LRRIQ3: variants seen among roughly 807,000 people sequenced by gnomAD.
The protein encoded by LRRIQ3 is leucine rich repeats and IQ motif containing 3.
Under a neutral mutation model 59.3 loss-of-function variants are expected in LRRIQ3, and 75 were observed. The ratio of observed to expected loss-of-function variants is 1.26; its 90% CI spans 1.05 to 1.53. The LOEUF (loss-of-function observed/expected upper bound fraction) is 1.53. Ranked by LOEUF, LRRIQ3 falls within the 40% of genes most tolerant of loss-of-function variation. The pLI, the probability that LRRIQ3 is intolerant of heterozygous loss-of-function variation, is 0.00. For missense variants in LRRIQ3, 831 were observed against 710.0 expected (o/e 1.17, Z -1.94); for synonymous variants, 250 against 231.3 (o/e 1.08, Z -0.73).
At chr1:74,160,546 T>C (rs973442961) in intron 3 of LRRIQ3, among the ~76,000 whole-genome samples, 1 of 152,120 alleles carries the variant, frequency 6.6e-6, no homozygotes, top group Non-Finnish European at 1.5e-5. Flanking sequence ...GCTTTAATTT[T>C]CTCTACCGTA....
chr1:74,090,916 C>T (rs949937063), intron 5 of LRRIQ3, among the ~76,000 whole-genome samples: 1 of 151,756 alleles, frequency 6.6e-6, no homozygotes, highest in Non-Finnish European at 1.5e-5. Context: ...TAAGTAAATA[C>T]ATAAATCAAA....
intron 5 of LRRIQ3, among the ~76,000 whole-genome samples, chr1:74,094,457 C>T (rs1057135636): frequency 6.6e-6 from 1 of 151,882 alleles, no homozygotes; most frequent in Non-Finnish European, 1.5e-5. Flanking sequence ...AGGTAGGGGT[C>T]ACAAGCCACA....
At chr1:74,072,105 T>C (rs1276222639) in intron 6 of LRRIQ3, among the ~76,000 whole-genome samples, 2 of 152,138 alleles carry the variant, frequency 1.3e-5, no homozygotes, top group Non-Finnish European at 2.9e-5. Flanking sequence ...ACCATTATAT[T>C]TAGCCACACA....
intron 7 of LRRIQ3, among the ~76,000 whole-genome samples, chr1:74,031,214 G>A (rs553548284): frequency 6.6e-6 from 1 of 152,184 alleles, no homozygotes; most frequent in African/African-American, 2.4e-5. Flanking sequence ...CAATTCCTCA[G>A]GGATCTAGAA....
intron 7 of LRRIQ3, among the ~76,000 whole-genome samples, chr1:74,029,123 A>G (rs1653613452): frequency 6.6e-6 from 1 of 152,100 alleles, no homozygotes; most frequent in Non-Finnish European, 1.5e-5. Context: ...GGCTGAGACA[A>G]TGGGGTTTTC....
At chr1:74,180,403 C>G (rs1649907604) in intron 3 of LRRIQ3, 1 of 229,774 alleles carries the variant, frequency 4.4e-6, no homozygotes, top group South Asian at 8.7e-5. Context: ...AATTTACAAT[C>G]AAGTCCAGAA....
chr1:74,153,590 C>T (rs146623706), intron 4 of LRRIQ3, among the ~76,000 whole-genome samples: 30 of 152,248 alleles, frequency 2.0e-4, no homozygotes, highest in African/African-American at 6.7e-4. Flanking sequence ...GAGCACCTAA[C>T]ATGTGTCAGG....
Position 74,027,726 on chromosome 1 carries a change from C to T in LRRIQ3, c.1719-757G>A, listed in dbSNP as rs74637079. ...TCTTAGGAGATTTCATTCATTCATC[C>T]TTATTTATTCAACAATTATGTATTG... On this transcript the variant is annotated intron_variant, in intron 7 of 7. Transcript: ENST00000354431. Among the ~76,000 whole-genome samples the T allele has an allele frequency of 5.5e-3, 839 of 152,184 alleles. 4 individuals are homozygous for T. Among genetic ancestry groups the T allele is most frequent in the Non-Finnish European group, 8.6e-3 (583 of 67,982 alleles).
chr1:74,037,798 G>T (rs886417456), intron 7 of LRRIQ3, among the ~76,000 whole-genome samples: 1 of 152,176 alleles, frequency 6.6e-6, no homozygotes, highest in African/African-American at 2.4e-5. Flanking sequence ...CAAGGGAGGT[G>T]GTGAGTGTGC....
intron 1 of LRRIQ3, among the ~76,000 whole-genome samples, chr1:74,185,904 C>T (rs1650338520): frequency 6.6e-6 from 1 of 151,718 alleles, no homozygotes; most frequent in Non-Finnish European, 1.5e-5. Context: ...CAGAGCAAGA[C>T]TACGTCTCAA....
rs1650145284 is a variant in LRRIQ3, at chr1:74,183,519, T to C, written c.166A>G (p.Ile56Val). Residue 56 changes from isoleucine to valine, a missense_variant, in exon 2 of 8, where the codon ATC (isoleucine) becomes GTC (valine). Ile to Val is a conservative substitution (Grantham distance 29). Coordinates refer to ENST00000354431, the MANE Select transcript of LRRIQ3 (RefSeq NM_001105659.2). ...LQSCISLRVC[I>V]FSNNFITDIH... ...TCTGTAATAAAATTGTTTGAGAAGA[T>C]GCATACTCTAAGAGAGATGCAAGAC... 6.2e-7 allele frequency: 1 copy of C among 1,611,620 alleles called. No homozygotes were observed. Among genetic ancestry groups the C allele is most frequent in the Admixed American group, 1.7e-5 (1 of 59,832 alleles).
In LRRIQ3 at chr1:74,041,600, G is replaced by C. The variant is rs1654047138; in HGVS notation, c.1331C>G (p.Ala444Gly). Residue 444 changes from alanine (A) to glycine (G), a missense_variant, in exon 7 of 8, where the codon GCC becomes GGC. By Grantham distance (60) the Ala-to-Gly change is moderately conservative. Transcript: ENST00000354431. ...TCTTTCTCGAGCAACTTGTGCCATGGCTACAACTCTTACTTTTTCTTTATG... is the reference window on the plus strand; with the variant it reads ...TCTTTCTCGAGCAACTTGTGCCATGCCTACAACTCTTACTTTTTCTTTATG... ...EYHKEKVRVV[A>G]MAQVARERVR... The C allele has an allele frequency of 6.2e-7, 1 of 1,613,676 alleles. No individual in the cohort carries two copies. The highest frequency in any genetic ancestry group is 2.2e-5 in the East Asian group (1 of 44,846).
chr1:74,124,709 T>C (rs956163842), intron 4 of LRRIQ3, among the ~76,000 whole-genome samples: 1 of 151,976 alleles, frequency 6.6e-6, no homozygotes, highest in Non-Finnish European at 1.5e-5. Flanking sequence ...TTCTATTCCA[T>C]TGTTCTATAT....
At chr1:74,151,238 G>A (rs180875451) in intron 4 of LRRIQ3, among the ~76,000 whole-genome samples, 2 of 151,722 alleles carry the variant, frequency 1.3e-5, no homozygotes, top group Admixed American at 6.6e-5. Flanking sequence ...GAATGCTCTC[G>A]ATCTCTTGAC....
chr1:74,096,870 C>T (rs902545128), intron 5 of LRRIQ3, among the ~76,000 whole-genome samples: 2 of 152,134 alleles, frequency 1.3e-5, no homozygotes, highest in African/African-American at 4.8e-5. Flanking sequence ...GCAAATATTG[C>T]TGAACAGCAA....
intron 2 of LRRIQ3, 132 bp from the exon 3 acceptor site, chr1:74,182,993 GT>G: frequency 1.9e-6 from 1 of 526,386 alleles, no homozygotes; most frequent in Admixed American, 3.7e-5. Flanking sequence ...AGCAAACAGA[GT>G]ATTTATAATT....
rs548815015 is a variant in LRRIQ3, at chr1:74,117,945, T to A, written c.708-8392A>T. Reference sequence around the variant, plus strand: ...ACAGGGTTTTGTCCCTATCTTTTTATAATTTAGAGAAAATAGAAACCATAA... The same window carrying A: ...ACAGGGTTTTGTCCCTATCTTTTTAAAATTTAGAGAAAATAGAAACCATAA... On this transcript the variant is annotated intron_variant, in intron 4 of 7. Coordinates refer to ENST00000354431, the MANE Select transcript of LRRIQ3 (RefSeq NM_001105659.2). Among the ~76,000 whole-genome samples, 9 of 152,210 alleles carry A rather than the reference T, an allele frequency of 5.9e-5. No individual in the cohort carries two copies. In the South Asian group the frequency reaches 6.2e-4, roughly 11 times the overall value.
intron 7 of LRRIQ3, among the ~76,000 whole-genome samples, chr1:74,032,477 TC>T (rs1250263320): frequency 2.0e-5 from 3 of 152,032 alleles, no homozygotes; most frequent in African/African-American, 7.2e-5. Flanking sequence ...TGGGTCCTCA[TC>T]CAGATCAGTG....
At chr1:74,156,950 C>T (rs1648368237) in intron 3 of LRRIQ3, among the ~76,000 whole-genome samples, 1 of 151,998 alleles carries the variant, frequency 6.6e-6, no homozygotes, top group Admixed American at 6.6e-5. Flanking sequence ...TGAAAATTAT[C>T]AACCCTATTA....
Sources: gnomAD v4.1 joint callset for allele counts (sites outside exome capture counted in the v4.1 genomes callset) on GRCh38, gnomAD v4.1.1 for gene constraint, MANE v1.5 for transcripts, NCBI Gene and HGNC (gene_info 2026-07-23, HGNC 2026-07-21) for gene names.